FHIT: variants seen among roughly 807,000 people sequenced by gnomAD.
FHIT encodes bis(5'-adenosyl)-triphosphatase.
Under a neutral mutation model 17.9 loss-of-function variants are expected in FHIT, and 19 were observed. The ratio of observed to expected loss-of-function variants is 1.06; its 90% CI spans 0.74 to 1.56. The LOEUF is 1.56. Among genes scored for constraint, FHIT ranks in the 40% most tolerant of loss-of-function variants. FHIT has a pLI of 0.00. For synonymous variants in FHIT, 81 were observed against 69.7 expected, an observed-to-expected ratio of 1.16 and a Z score of -0.81; for missense variants, 248 against 189.2, an observed-to-expected ratio of 1.31 and a Z score of -1.82.
chr3:61,128,547 C>T (rs905817558), intron 2 of FHIT, among the ~76,000 whole-genome samples: 1 of 151,980 alleles, frequency 6.6e-6, no homozygotes, highest in Non-Finnish European at 1.5e-5. Context: ...TGATGATGTC[C>T]CATCCACAGG....
intron 3 of FHIT, among the ~76,000 whole-genome samples, chr3:60,927,896 G>C (rs1398687149): frequency 3.3e-5 from 5 of 152,248 alleles, no homozygotes; most frequent in African/African-American, 9.6e-5. Context: ...AAGAAAGAGA[G>C]ATCAGATTGT....
chr3:61,233,306 T>C (rs1354769050), intron 1 of FHIT, among the ~76,000 whole-genome samples: 1 of 152,062 alleles, frequency 6.6e-6, no homozygotes, highest in East Asian at 1.9e-4. Flanking sequence ...ATTTTTTTAA[T>C]CTACATGTAA....
intron 8 of FHIT, among the ~76,000 whole-genome samples, chr3:59,793,353 A>G (rs1379653827): frequency 1.3e-5 from 2 of 152,196 alleles, no homozygotes; most frequent in Non-Finnish European, 2.9e-5. Flanking sequence ...CAGGCCAGAA[A>G]GAAAGTGTAG....
At chr3:60,192,118 G>A (rs7613262) in intron 5 of FHIT, among the ~76,000 whole-genome samples, 31,183 of 151,808 alleles carry the variant, frequency 0.21, 3,828 homozygotes, top group East Asian at 0.51. Flanking sequence ...AAGCATGGTG[G>A]TGGGTGCCTG....
At chr3:60,236,554 G>A (rs746547905) in intron 5 of FHIT, among the ~76,000 whole-genome samples, 76 of 151,916 alleles carry the variant, frequency 5.0e-4, no homozygotes, top group Non-Finnish European at 9.9e-4. Context: ...GGCACAATGG[G>A]TTTTTCTAAT....
chr3:60,073,424 T>A (rs1388410724), intron 5 of FHIT, among the ~76,000 whole-genome samples: 7 of 152,146 alleles, frequency 4.6e-5, no homozygotes, highest in Admixed American at 4.6e-4. Context: ...TTACTCATTA[T>A]CCTGGGACAA....
At chr3:60,226,487 A>AAAAAAAAAAAAAC (rs1559742962) in intron 5 of FHIT, among the ~76,000 whole-genome samples, 5 of 150,806 alleles carry the variant, frequency 3.3e-5, no homozygotes, top group African/African-American at 1.2e-4. Flanking sequence ...AAAAAAAAAA[A>AAAAAAAAAAAAAC]AAAAAAACAC....
chr3:60,859,862 G>A (rs1404696695), intron 3 of FHIT, among the ~76,000 whole-genome samples: 7 of 144,522 alleles, frequency 4.8e-5, no homozygotes, highest in Non-Finnish European at 1.0e-4. Context: ...TGGCCAACAT[G>A]GTGAAACCCT....
chr3:61,249,544 A>C (rs552992542), intron 1 of FHIT, among the ~76,000 whole-genome samples: 4 of 152,290 alleles, frequency 2.6e-5, no homozygotes, highest in East Asian at 3.9e-4. Flanking sequence ...CTAAGCAGAG[A>C]CTGTTAAGCA....
chr3:60,695,197 C>T (rs1553700355), intron 4 of FHIT, among the ~76,000 whole-genome samples: 1 of 152,112 alleles, frequency 6.6e-6, no homozygotes. Context: ...GCGTTGGAGA[C>T]CAGCCTGGCC....
At chr3:60,596,822 T>C (rs2038287235) in intron 4 of FHIT, among the ~76,000 whole-genome samples, 1 of 152,116 alleles carries the variant, frequency 6.6e-6, no homozygotes, top group Non-Finnish European at 1.5e-5. Flanking sequence ...GCTCTTACCA[T>C]CATCATCAAG....
chr3:60,384,797 G>A (rs1206384542), intron 5 of FHIT, among the ~76,000 whole-genome samples: 6 of 149,486 alleles, frequency 4.0e-5, no homozygotes, highest in Non-Finnish European at 7.4e-5. Context: ...GAAACACTAT[G>A]TGAGAGATGA....
chr3:61,053,503 A>G (rs1255934689), intron 2 of FHIT, among the ~76,000 whole-genome samples: 1 of 151,966 alleles, frequency 6.6e-6, no homozygotes, highest in Non-Finnish European at 1.5e-5. Flanking sequence ...TACCAAAAAT[A>G]CAAAATTAGC....
At chr3:60,804,453 C>T (rs551342980) in intron 4 of FHIT, among the ~76,000 whole-genome samples, 1 of 152,310 alleles carries the variant, frequency 6.6e-6, no homozygotes, top group East Asian at 1.9e-4. Context: ...GTTCAAATCC[C>T]AGCTCCACCA....
intron 8 of FHIT, among the ~76,000 whole-genome samples, chr3:59,805,085 C>G (rs1001426580): frequency 6.6e-6 from 1 of 152,080 alleles, no homozygotes; most frequent in Non-Finnish European, 1.5e-5. Flanking sequence ...CCTCCTCTGT[C>G]TAGCTTGAAG....
At chr3:60,939,015 A>G (rs782002238) in intron 3 of FHIT, among the ~76,000 whole-genome samples, 1 of 152,204 alleles carries the variant, frequency 6.6e-6, no homozygotes, top group Non-Finnish European at 1.5e-5. Context: ...GTTTCTATGT[A>G]TACATCTTAG....
chr3:60,236,315 G>A (rs1704794599), intron 5 of FHIT, among the ~76,000 whole-genome samples: 1 of 148,756 alleles, frequency 6.7e-6, no homozygotes. Flanking sequence ...CATCTCATTT[G>A]GGTCTGTGTC....
intron 4 of FHIT, among the ~76,000 whole-genome samples, chr3:60,795,067 T>G (rs183148991): frequency 6.6e-6 from 1 of 152,346 alleles, no homozygotes; most frequent in African/African-American, 2.4e-5. Flanking sequence ...ACACACACTT[T>G]TACTCAAATG....
intron 5 of FHIT, among the ~76,000 whole-genome samples, chr3:60,066,782 G>A (rs1168589074): frequency 2.6e-5 from 4 of 151,332 alleles, no homozygotes; most frequent in South Asian, 4.2e-4. Context: ...TCAGCCTCCC[G>A]AGTAGCTGGA....
Sources: allele counts gnomAD v4.1 joint callset (sites outside exome capture counted in the v4.1 genomes callset), GRCh38; gene constraint gnomAD v4.1.1; transcripts MANE v1.5; gene names NCBI Gene and HGNC (gene_info 2026-07-23, HGNC 2026-07-21).